Variants in DLG2 observed in about 807,000 individuals in gnomAD.
DLG2 encodes disks large homolog 2.
In DLG2, 45 loss-of-function variants were observed where a neutral mutation model predicts 132.5. The observed-to-expected ratio is 0.34, with a 90% CI of 0.27 to 0.44. The LOEUF is 0.44. Among genes scored for constraint, DLG2 ranks in the 20% least tolerant of loss-of-function variants. The probability of loss-of-function intolerance (pLI) is 1.00; values close to 1 mark genes in which losing one functional copy is unlikely to be tolerated. For missense variants in DLG2, 1,045 were observed against 1,196.9 expected (o/e 0.87, Z 1.87); for synonymous variants, 424 against 419.6 (o/e 1.01, Z -0.13).
chr11:83,833,734 A>G lies in DLG2; in HGVS notation c.1602T>C (p.Thr534=), dbSNP rs1192991636. The G allele has an allele frequency of 6.2e-7, 1 of 1,613,944 alleles. No individual in the cohort carries two copies. The highest frequency in any genetic ancestry group is 8.5e-7 in the Non-Finnish European group (1 of 1,179,956). Residue 534 remains threonine (T), a synonymous_variant, in exon 17 of 28, where the codon ACT becomes ACC. Transcript: ENST00000376104. The part of the protein sequence containing the change: ...PRKVVLHKGS[T]GLGFNIVGGE... ...CACCGACAATGTTGAAGCCCAGGCCAGTGGAGCCTTTGTGCAGGACTACCT... is the reference window on the plus strand; with the variant it reads ...CACCGACAATGTTGAAGCCCAGGCCGGTGGAGCCTTTGTGCAGGACTACCT...
At chr11:84,150,491 A>G (rs144381004) in intron 9 of DLG2, among the ~76,000 whole-genome samples, 114 of 152,338 alleles carry the variant, frequency 7.5e-4, no homozygotes, top group Middle Eastern at 3.4e-3. Context: ...GGGTTTTGCT[A>G]GATAGAGAAA....
At chr11:84,694,499 A>T (rs79625107) in intron 6 of DLG2, among the ~76,000 whole-genome samples, 3 of 149,200 alleles carry the variant, frequency 2.0e-5, no homozygotes, top group Non-Finnish European at 4.4e-5. Context: ...TGATGTAGGT[A>T]TTTTTTTTCT....
At chr11:84,436,101 GAC>G (rs2098999873) in intron 7 of DLG2, among the ~76,000 whole-genome samples, 1 of 152,052 alleles carries the variant, frequency 6.6e-6, no homozygotes, top group South Asian at 2.1e-4. Context: ...GATACTAGTT[GAC>G]ACATAATAGT....
chr11:84,633,290 C>CT (rs768016486), intron 6 of DLG2, among the ~76,000 whole-genome samples: 3 of 152,260 alleles, frequency 2.0e-5, no homozygotes, highest in East Asian at 1.9e-4. Flanking sequence ...GAAACTCTCA[C>CT]TTTTTTTCCT....
At chr11:84,774,064 A>G (rs2069933291) in intron 6 of DLG2, among the ~76,000 whole-genome samples, 2 of 152,240 alleles carry the variant, frequency 1.3e-5, no homozygotes, top group Admixed American at 6.5e-5. Context: ...GACTCTTGGA[A>G]CTGATAAAAG....
Position 84,656,926 on chromosome 11 carries a change from A to AGTT in DLG2, c.358-122198_358-122196dup, listed in dbSNP as rs144286993. ...TGTGTTAGGATCAGTTCAAACTAAT[A>AGTT]GTTTTGTTTGTAATAATTGCTATTT... On this transcript the variant is annotated intron_variant, in intron 6 of 27. Coordinates refer to ENST00000376104, the MANE Select transcript of DLG2 (RefSeq NM_001142699.3). 1.4e-3 allele frequency among the ~76,000 whole-genome samples: 218 copies of AGTT among 152,278 alleles called. 1 individual carries two copies. Among genetic ancestry groups the AGTT allele is most frequent in the African/African-American group, 5.1e-3 (211 of 41,566 alleles).
intron 6 of DLG2, among the ~76,000 whole-genome samples, chr11:84,554,941 C>A (rs2099409086): frequency 6.6e-6 from 1 of 152,038 alleles, no homozygotes; most frequent in African/African-American, 2.4e-5. Flanking sequence ...AAAGGAAGAA[C>A]AACCATGAGA....
intron 6 of DLG2, among the ~76,000 whole-genome samples, chr11:84,583,258 C>T (rs1487544476): frequency 6.6e-6 from 1 of 152,140 alleles, no homozygotes; most frequent in African/African-American, 2.4e-5. Flanking sequence ...TAAGCATTTT[C>T]TTCTAATTCC....
intron 6 of DLG2, among the ~76,000 whole-genome samples, chr11:84,552,687 G>A (rs1388755702): frequency 3.3e-5 from 5 of 152,200 alleles, no homozygotes; most frequent in Non-Finnish European, 7.3e-5. Context: ...GTTTATGGCT[G>A]TAGGACCTGT....
intron 25 of DLG2, among the ~76,000 whole-genome samples, chr11:83,468,829 C>G (rs1032267343): frequency 1.3e-5 from 2 of 152,176 alleles, no homozygotes; most frequent in Admixed American, 1.3e-4. Flanking sequence ...ATGAGGATGT[C>G]AAGTTTTCAG....
At chr11:84,398,168 G>A (rs969106181) in intron 7 of DLG2, among the ~76,000 whole-genome samples, 4 of 152,070 alleles carry the variant, frequency 2.6e-5, no homozygotes, top group Admixed American at 6.6e-5. Context: ...AACAATATTC[G>A]AAAAACAAAT....
chr11:85,471,303 A>AT (rs1470488172), intron 3 of DLG2, among the ~76,000 whole-genome samples: 1 of 152,180 alleles, frequency 6.6e-6, no homozygotes, highest in South Asian at 2.1e-4. Context: ...ATAAACATAG[A>AT]TTTTTTAGAC....
At chr11:83,824,609 T>A (rs1029502117) in intron 17 of DLG2, among the ~76,000 whole-genome samples, 2 of 152,222 alleles carry the variant, frequency 1.3e-5, no homozygotes, top group African/African-American at 4.8e-5. Flanking sequence ...GTTATTTTGT[T>A]AAATAATGTT....
intron 7 of DLG2, among the ~76,000 whole-genome samples, chr11:84,319,701 C>A (rs917269481): frequency 6.6e-6 from 1 of 152,178 alleles, no homozygotes; most frequent in Non-Finnish European, 1.5e-5. Flanking sequence ...AATTTCTTCC[C>A]ATCACAAGGG....
intron 18 of DLG2, among the ~76,000 whole-genome samples, chr11:83,695,147 G>A (rs1038350459): frequency 6.6e-6 from 1 of 152,118 alleles, no homozygotes; most frequent in African/African-American, 2.4e-5. Context: ...AAAACCATAA[G>A]TTGAGTTAAT....
rs1179896965 is a variant in DLG2, at chr11:83,668,818, AACATATATATGTGTATATAAAC to A, written c.1826-35515_1826-35494del. 1.6e-3 allele frequency among the ~76,000 whole-genome samples: 160 copies of A among 100,330 alleles called. 4 individuals are homozygous for A. Among genetic ancestry groups the A allele is most frequent in the African/African-American group, 4.9e-3 (101 of 20,674 alleles). The allele number at this position is 100,330 out of a possible 152,430, so 65.8% of individuals were successfully genotyped here. ...AAACACACATATATATGTGTATATA[AACATATATATGTGTATATAAAC>A]ACACACACACATATATATATATATA... On this transcript the variant is annotated intron_variant, in intron 18 of 27. Transcript: ENST00000376104.
intron 6 of DLG2, among the ~76,000 whole-genome samples, chr11:84,648,799 C>T (rs937296556): frequency 2.6e-5 from 4 of 151,944 alleles, no homozygotes; most frequent in Admixed American, 6.6e-5. Flanking sequence ...ATATCTCACA[C>T]ACACAGACAC....
rs1400207215 is a variant in DLG2, at chr11:85,020,970, G to T, written c.357+90691C>A. 6.9e-5 allele frequency: 54 copies of T among 778,138 alleles called. 1 individual carries two copies. The highest frequency in any genetic ancestry group is 4.2e-4 in the South Asian group (31 of 74,626). 48.2% of individuals were successfully genotyped at this position (778,138 alleles called of 1,614,324 possible). A position where few individuals can be genotyped will look rare whatever the true frequency, so the allele number is the denominator to read the frequency against. ...CACATTAGTCTCATCTTTCTTCACG[G>T]AGCTGCTGCTCTGCTCCTCTTCTGA... is the stretch of plus-strand genomic sequence containing the variant. On this transcript the variant is annotated intron_variant, in intron 6 of 27. Coordinates refer to ENST00000376104, the MANE Select transcript of DLG2 (RefSeq NM_001142699.3).
chr11:85,075,008 G>A (rs2066340841), intron 6 of DLG2, among the ~76,000 whole-genome samples: 1 of 151,816 alleles, frequency 6.6e-6, no homozygotes, highest in Admixed American at 6.6e-5. Context: ...GGGGAGGCAG[G>A]CAATCTAAGG....
Sources: allele counts gnomAD v4.1 joint callset (sites outside exome capture counted in the v4.1 genomes callset), GRCh38; gene constraint gnomAD v4.1.1; transcripts MANE v1.5; gene names NCBI Gene and HGNC (gene_info 2026-07-23, HGNC 2026-07-21).